Variants in GPR155 observed in about 807,000 individuals in gnomAD.
GPR155 encodes the protein lysosomal cholesterol signaling protein.
A neutral mutation model predicts 93.1 loss-of-function variants in GPR155; 65 were observed. That is an observed-to-expected ratio of 0.70 (90% CI 0.57 to 0.86). GPR155 has a LOEUF of 0.86. GPR155 is among the 40% of genes least tolerant of loss of function. The pLI is 0.00. For missense variants in GPR155, 838 were observed against 1,034.8 expected (o/e 0.81, Z 2.61); for synonymous variants, 319 against 360.1 (o/e 0.89, Z 1.29).
At chr2:174,475,773 G>C (rs945707377) in intron 2 of GPR155, among the ~76,000 whole-genome samples, 1 of 152,104 alleles carries the variant, frequency 6.6e-6, no homozygotes, top group African/African-American at 2.4e-5. Context: ...TATCTCAAGA[G>C]AAAGATGTTC....
intron 15 of GPR155, among the ~76,000 whole-genome samples, 157 bp downstream of exon 15, chr2:174,439,741 A>G (rs1686897475): frequency 6.6e-6 from 1 of 152,226 alleles, no homozygotes; most frequent in South Asian, 2.1e-4. Context: ...TTCTGAAACT[A>G]TAAACTCACT....
At chr2:174,470,294 T>C in intron 4 of GPR155, 96 bp downstream of exon 4, 5 of 1,037,024 alleles carry the variant, frequency 4.8e-6, no homozygotes, top group Non-Finnish European at 6.9e-6. Context: ...CTCTATTTTT[T>C]CATTTTTAAA....
At chr2:174,455,509 A>T (rs115185121) in intron 10 of GPR155, among the ~76,000 whole-genome samples, 34 of 152,336 alleles carry the variant, frequency 2.2e-4, no homozygotes, top group African/African-American at 8.2e-4. Flanking sequence ...AGGAAGGTTA[A>T]TTTGGCCATT....
At chr2:174,439,339 A>G (rs1686885563) in intron 15 of GPR155, among the ~76,000 whole-genome samples, 1 of 152,124 alleles carries the variant, frequency 6.6e-6, no homozygotes, top group African/African-American at 2.4e-5. Flanking sequence ...TTCGTTTATA[A>G]AAAAATTTTT....
chr2:174,480,401 GTGAA>G (rs763028366), intron 2 of GPR155, among the ~76,000 whole-genome samples: 1 of 152,102 alleles, frequency 6.6e-6, no homozygotes, highest in Admixed American at 6.5e-5. Flanking sequence ...TTATGAGTGA[GTGAA>G]TGAATGAATG....
intron 13 of GPR155, among the ~76,000 whole-genome samples, chr2:174,444,492 T>G (rs1687059055): frequency 6.9e-6 from 1 of 144,864 alleles, no homozygotes; most frequent in South Asian, 2.3e-4. Flanking sequence ...TGACCTTTTT[T>G]TTTTTTTTTT....
At chr2:174,471,768 C>A (rs1475185528) in intron 3 of GPR155, among the ~76,000 whole-genome samples, 1 of 152,024 alleles carries the variant, frequency 6.6e-6, no homozygotes, top group Non-Finnish European at 1.5e-5. Context: ...TCAAAGACCC[C>A]CCATCTTTAA....
At position 174,466,120 on chromosome 2, in the gene GPR155, C is replaced by G. The variant is rs138102953; in HGVS notation, c.1267-218G>C. 1.8e-3 allele frequency among the ~76,000 whole-genome samples: 275 copies of G among 152,196 alleles called. 2 individuals are homozygous for G. Among genetic ancestry groups the G allele is most frequent in the African/African-American group, 6.2e-3 (258 of 41,528 alleles). On this transcript the variant is annotated intron_variant, in intron 6 of 15. Coordinates refer to ENST00000392552, the MANE Select transcript of GPR155 (RefSeq NM_152529.7). ...GTTAAAAATCCATTTTATAACAGAGCCTTTGACAATATACATATCCAATTG... is the reference window on the plus strand; with the variant it reads ...GTTAAAAATCCATTTTATAACAGAGGCTTTGACAATATACATATCCAATTG...
intron 7 of GPR155, among the ~76,000 whole-genome samples, chr2:174,464,232 G>A (rs1322998929): frequency 1.3e-5 from 2 of 152,056 alleles, no homozygotes; most frequent in African/African-American, 4.8e-5. Flanking sequence ...AGAGATTATA[G>A]GTGTCACAAA....
Position 174,473,124 on chromosome 2 carries a change from T to C in GPR155, c.701A>G (p.Asp234Gly). The change falls in exon 3 of 16, where the codon GAT becomes GGT. Residue 234 changes from aspartate to glycine, a missense_variant. By Grantham distance (94) the Asp-to-Gly change is moderately conservative (BLOSUM62 -1). This residue lies in a region of GPR155 where 663 missense variants were observed against 790.1 expected (regional missense o/e 0.84). Coordinates refer to ENST00000392552, the MANE Select transcript of GPR155 (RefSeq NM_152529.7). ...FIGIAFNFILDRKVPVYVENF... is the reference protein window; with the variant it reads ...FIGIAFNFILGRKVPVYVENF... ...TTCGACATATACAGGTACCTTTCGATCAAGAATAAAATTGAAGGCGATGCC... is the reference window on the plus strand; with the variant it reads ...TTCGACATATACAGGTACCTTTCGACCAAGAATAAAATTGAAGGCGATGCC... The C allele has an allele frequency of 6.2e-7, 1 of 1,610,526 alleles. No homozygotes were observed. The highest frequency in any genetic ancestry group is 8.5e-7 in the Non-Finnish European group (1 of 1,179,268).
At chr2:174,438,566 G>A (rs373585816) in intron 15 of GPR155, among the ~76,000 whole-genome samples, 9 of 152,042 alleles carry the variant, frequency 5.9e-5, no homozygotes, top group African/African-American at 2.2e-4. Flanking sequence ...AGAGTGCAGT[G>A]GCGTGATCTC....
At chr2:174,484,465 TG>T (rs1378864731) in intron 1 of GPR155, among the ~76,000 whole-genome samples, 1 of 152,246 alleles carries the variant, frequency 6.6e-6, no homozygotes, top group African/African-American at 2.4e-5. Context: ...AGCCCTTACT[TG>T]TACAACACGA....
chr2:174,446,856 G>T, intron 11 of GPR155, 109 bp from the exon 12 acceptor site: 1 of 953,614 alleles, frequency 1.0e-6, no homozygotes, highest in Non-Finnish European at 1.6e-6. Flanking sequence ...ATTCAGCTAA[G>T]AATCAGTATA....
At chr2:174,474,073 G>C (rs1235580198) in intron 2 of GPR155, among the ~76,000 whole-genome samples, 1 of 152,186 alleles carries the variant, frequency 6.6e-6, no homozygotes, top group Non-Finnish European at 1.5e-5. Context: ...GAAATGACAG[G>C]GCAGAGAATT....
chr2:174,445,069 A>G lies in GPR155; in HGVS notation c.2109+12T>C, dbSNP rs1211414028. 2.1e-6 allele frequency: 3 copies of G among 1,430,932 alleles called. No homozygotes were observed. The highest frequency in any genetic ancestry group is 2.8e-5 in the African/African-American group (2 of 71,334). 88.6% of individuals were successfully genotyped at this position (1,430,932 alleles called of 1,614,324 possible). A position where few individuals can be genotyped will look rare whatever the true frequency, so the allele number is the denominator to read the frequency against. On this transcript the variant is annotated intron_variant, in intron 13 of 15. Transcript: ENST00000392552. ...AGACAAAAACCCCTCAAAGTTCTCC[A>G]TAAATAAATACCTGACCAAAGTTAA...
rs1687826500 is a variant in GPR155, at chr2:174,465,911, A to C, written c.1267-9T>G. 1 of 1,242,368 alleles carries C rather than the reference A, an allele frequency of 8.0e-7. No homozygotes were observed. Among genetic ancestry groups the C allele is most frequent in the African/African-American group, 1.5e-5 (1 of 67,056 alleles). 77.0% of individuals were successfully genotyped at this position (1,242,368 alleles called of 1,614,324 possible). A position where few individuals can be genotyped will look rare whatever the true frequency, so the allele number is the denominator to read the frequency against. On this transcript the variant is annotated splice_polypyrimidine_tract_variant and intron_variant, in intron 6 of 15. Transcript: ENST00000392552. ...CCAGCACAGACAATAGACTAAGGAAAAAATTATTAAAAGACTTTGTAAATA... is the reference window on the plus strand; with the variant it reads ...CCAGCACAGACAATAGACTAAGGAACAAATTATTAAAAGACTTTGTAAATA...
intron 4 of GPR155, among the ~76,000 whole-genome samples, chr2:174,469,948 G>C (rs919140239): frequency 1.3e-5 from 2 of 152,112 alleles, no homozygotes; most frequent in Non-Finnish European, 2.9e-5. Context: ...TGCAACCTCT[G>C]CCTCCTGGGT....
At chr2:174,455,343 G>C (rs1656803177) in intron 10 of GPR155, among the ~76,000 whole-genome samples, 1 of 150,426 alleles carries the variant, frequency 6.6e-6, no homozygotes, top group African/African-American at 2.4e-5. Context: ...GGGTAGCTCA[G>C]GCAGCTGCAG....
intron 2 of GPR155, among the ~76,000 whole-genome samples, chr2:174,477,726 T>C (rs183543325): frequency 2.0e-5 from 3 of 152,344 alleles, no homozygotes; most frequent in Admixed American, 2.0e-4. Context: ...TATAGTATAG[T>C]AACTAAAATT....
Sources: gnomAD v4.1 joint callset for allele counts (sites outside exome capture counted in the v4.1 genomes callset) on GRCh38, gnomAD v4.1.1 for gene constraint, gnomAD v4.1.1 regional missense constraint, MANE v1.5 for transcripts, NCBI Gene and HGNC (gene_info 2026-07-23, HGNC 2026-07-21) for gene names.